MAPKAP1: variants seen among roughly 807,000 people sequenced by gnomAD.
The protein encoded by MAPKAP1 is target of rapamycin complex 2 subunit MAPKAP1.
Under a neutral mutation model 65.7 loss-of-function variants are expected in MAPKAP1, and 20 were observed. The ratio of observed to expected loss-of-function variants is 0.30; its 90% CI spans 0.21 to 0.44. MAPKAP1 has a LOEUF of 0.44. MAPKAP1 is among the 20% of genes least tolerant of loss of function. The pLI is 1.00. For missense variants in MAPKAP1, 423 were observed against 648.0 expected, an observed-to-expected ratio of 0.65 and a Z score of 3.77; for synonymous variants, 222 against 244.3, an observed-to-expected ratio of 0.91 and a Z score of 0.85.
chr9:125,701,835 A>G (rs1011626075), intron 1 of MAPKAP1, among the ~76,000 whole-genome samples: 1 of 152,242 alleles, frequency 6.6e-6, no homozygotes, highest in Admixed American at 6.5e-5. Flanking sequence ...TCTATACTTT[A>G]GCTTGATTAT....
At chr9:125,490,021 C>T (rs1019317432) in intron 8 of MAPKAP1, among the ~76,000 whole-genome samples, 3 of 152,142 alleles carry the variant, frequency 2.0e-5, no homozygotes, top group Non-Finnish European at 4.4e-5. Flanking sequence ...GCCCTGCCTA[C>T]CTCACCACAC....
intron 8 of MAPKAP1, among the ~76,000 whole-genome samples, chr9:125,492,265 T>C (rs962562892): frequency 6.6e-6 from 1 of 152,186 alleles, no homozygotes; most frequent in Admixed American, 6.5e-5. Context: ...TTTAAGAGTA[T>C]AAAGAGGTCC....
chr9:125,561,103 A>T lies in MAPKAP1; in HGVS notation c.672-1294T>A, dbSNP rs529321603. 6.0e-4 allele frequency among the ~76,000 whole-genome samples: 91 copies of T among 152,338 alleles called. 3 individuals carry two copies. In the South Asian group the frequency reaches 0.018, roughly 31 times the overall value. ...GTTTTAATTACATGATTGATGCTTA[A>T]ATTAATTAATTGCAAAGTGTATGCT... On this transcript the variant is annotated intron_variant, in intron 5 of 11. Transcript: ENST00000265960.
intron 7 of MAPKAP1, among the ~76,000 whole-genome samples, chr9:125,522,702 A>G (rs1235585472): frequency 4.6e-5 from 7 of 152,192 alleles, no homozygotes. Flanking sequence ...ATTCTGGTAG[A>G]TTCAAGGTAT....
chr9:125,464,595 T>A (rs901843988), intron 10 of MAPKAP1, among the ~76,000 whole-genome samples: 38 of 152,224 alleles, frequency 2.5e-4, no homozygotes, highest in African/African-American at 8.2e-4. Context: ...TATTTAGCCA[T>A]TAAGTTCAAG....
At chr9:125,678,245 TTTTA>T (rs1257647673) in intron 1 of MAPKAP1, among the ~76,000 whole-genome samples, 6 of 147,470 alleles carry the variant, frequency 4.1e-5, no homozygotes, top group Non-Finnish European at 6.0e-5. Context: ...TTTATTTTAT[TTTTA>T]TTTATTTTTT....
intron 1 of MAPKAP1, among the ~76,000 whole-genome samples, chr9:125,689,738 C>CAAAA (rs71374291): frequency 8.5e-4 from 83 of 97,076 alleles, no homozygotes; most frequent in Admixed American, 2.6e-3. Flanking sequence ...GACTCCATCT[C>CAAAA]AAAAAAAAAA....
chr9:125,575,496 C>G (rs1831366259), intron 5 of MAPKAP1, among the ~76,000 whole-genome samples: 1 of 152,056 alleles, frequency 6.6e-6, no homozygotes, highest in Non-Finnish European at 1.5e-5. Context: ...ATGACTATAC[C>G]ATGTATTGTT....
chr9:125,572,925 T>C (rs1418002824), intron 5 of MAPKAP1: 4 of 152,172 alleles, frequency 2.6e-5, no homozygotes, highest in Admixed American at 2.6e-4. Flanking sequence ...TCAAGAGTTA[T>C]GAATGGACCT....
intron 4 of MAPKAP1, among the ~76,000 whole-genome samples, chr9:125,590,161 T>C (rs1038577705): frequency 1.3e-5 from 2 of 152,204 alleles, no homozygotes; most frequent in Non-Finnish European, 2.9e-5. Flanking sequence ...TCTCAAGATA[T>C]GAAGATTCAA....
intron 5 of MAPKAP1, among the ~76,000 whole-genome samples, chr9:125,584,489 A>G (rs980186718): frequency 1.3e-5 from 2 of 152,094 alleles, no homozygotes; most frequent in Non-Finnish European, 2.9e-5. Context: ...ACCAGGCTGG[A>G]GTGCAGTGGC....
intron 9 of MAPKAP1, among the ~76,000 whole-genome samples, chr9:125,483,714 T>C (rs150423016): frequency 5.9e-5 from 9 of 152,264 alleles, no homozygotes; most frequent in African/African-American, 9.6e-5. Flanking sequence ...ACTGTGTGAG[T>C]TGGGCATGAG....
At chr9:125,695,292 G>A (rs1196387934) in intron 1 of MAPKAP1, among the ~76,000 whole-genome samples, 9 of 152,090 alleles carry the variant, frequency 5.9e-5, no homozygotes, top group African/African-American at 1.4e-4. Context: ...ACCCCACGCC[G>A]GTAAAGAGCA....
intron 4 of MAPKAP1, among the ~76,000 whole-genome samples, chr9:125,632,299 T>C (rs905749549): frequency 2.0e-5 from 3 of 152,120 alleles, no homozygotes; most frequent in Non-Finnish European, 2.9e-5. Context: ...ATTATAATTG[T>C]CTGACTTCCC....
At chr9:125,667,885 A>G (rs1393815674) in intron 3 of MAPKAP1, among the ~76,000 whole-genome samples, 1 of 152,224 alleles carries the variant, frequency 6.6e-6, no homozygotes, top group Admixed American at 6.5e-5. Context: ...TGAATAAGAT[A>G]AGTGATATAA....
intron 4 of MAPKAP1, among the ~76,000 whole-genome samples, chr9:125,621,174 G>C (rs1832887007): frequency 6.6e-6 from 1 of 151,990 alleles, no homozygotes; most frequent in Non-Finnish European, 1.5e-5. Context: ...CCAGAGACTA[G>C]GGCAGGAGGA....
At chr9:125,635,827 C>T (rs921406490) in intron 4 of MAPKAP1, among the ~76,000 whole-genome samples, 1 of 152,142 alleles carries the variant, frequency 6.6e-6, no homozygotes, top group African/African-American at 2.4e-5. Flanking sequence ...GCATACCTAC[C>T]AGTCTACAAG....
chr9:125,568,381 C>T (rs1432275094), intron 5 of MAPKAP1, among the ~76,000 whole-genome samples: 1 of 152,166 alleles, frequency 6.6e-6, no homozygotes, highest in Admixed American at 6.5e-5. Context: ...AACTTGAGAG[C>T]TGATGGGACT....
intron 4 of MAPKAP1, among the ~76,000 whole-genome samples, chr9:125,611,583 T>A (rs1832602195): frequency 6.6e-6 from 1 of 152,040 alleles, no homozygotes; most frequent in Admixed American, 6.5e-5. Flanking sequence ...GAAAGCCCAA[T>A]GAATGCAAAA....
Sources: gnomAD v4.1 joint callset for allele counts (sites outside exome capture counted in the v4.1 genomes callset) on GRCh38, gnomAD v4.1.1 for gene constraint, MANE v1.5 for transcripts, NCBI Gene and HGNC (gene_info 2026-07-23, HGNC 2026-07-21) for gene names.